The following RABGAP1L variants were observed in gnomAD, a reference collection of about 807,000 sequenced individuals.
The protein encoded by RABGAP1L is rab GTPase-activating protein 1-like.
Under a neutral mutation model 137.7 loss-of-function variants are expected in RABGAP1L, and 63 were observed. The ratio of observed to expected loss-of-function variants is 0.46; its 90% CI spans 0.37 to 0.56. The LOEUF (loss-of-function observed/expected upper bound fraction) is 0.56, where lower values mean the gene tolerates loss of function less well. Among genes scored for constraint, RABGAP1L ranks in the 20% least tolerant of loss-of-function variants. The probability of loss-of-function intolerance (pLI) is 0.00; values close to 1 mark genes in which losing one functional copy is unlikely to be tolerated. For synonymous variants in RABGAP1L, 431 were observed against 433.7 expected, an observed-to-expected ratio of 0.99 and a Z score of 0.08; for missense variants, 1,095 against 1,244.0, an observed-to-expected ratio of 0.88 and a Z score of 1.80.
intron 13 of RABGAP1L, among the ~76,000 whole-genome samples, chr1:174,519,426 C>A (rs1663168777): frequency 6.6e-6 from 1 of 151,980 alleles, no homozygotes. Flanking sequence ...AGGCCAGTCT[C>A]ACCGTTTTAT....
intron 1 of RABGAP1L, among the ~76,000 whole-genome samples, chr1:174,185,179 T>A (rs144892744): frequency 2.0e-5 from 3 of 152,350 alleles, no homozygotes; most frequent in African/African-American, 7.2e-5. Flanking sequence ...TGACAGTATC[T>A]GCAAAATATG....
At chr1:174,568,371 C>A (rs550433653) in intron 13 of RABGAP1L, among the ~76,000 whole-genome samples, 2 of 151,986 alleles carry the variant, frequency 1.3e-5, no homozygotes, top group African/African-American at 4.8e-5. Context: ...ACATATAAAC[C>A]GTATCAGGAT....
chr1:174,711,984 A>G (rs1383092946), intron 17 of RABGAP1L, among the ~76,000 whole-genome samples: 1 of 152,162 alleles, frequency 6.6e-6, no homozygotes, highest in African/African-American at 2.4e-5. Flanking sequence ...CTGTGTCTAG[A>G]TAATCTAGTG....
chr1:174,610,418 G>C (rs1309288789), intron 13 of RABGAP1L, among the ~76,000 whole-genome samples: 6 of 151,680 alleles, frequency 4.0e-5, no homozygotes, highest in Non-Finnish European at 7.4e-5. Flanking sequence ...GTATTCCATG[G>C]TGTATATGTG....
At chr1:174,213,387 T>C (rs982910778) in intron 1 of RABGAP1L, among the ~76,000 whole-genome samples, 1 of 152,190 alleles carries the variant, frequency 6.6e-6, no homozygotes. Flanking sequence ...ATTGTGCCAC[T>C]GCACTCCAGC....
intron 19 of RABGAP1L, among the ~76,000 whole-genome samples, chr1:174,918,101 TAA>T (rs1457325794): frequency 4.4e-5 from 6 of 135,122 alleles, no homozygotes; most frequent in Non-Finnish European, 7.6e-5. Flanking sequence ...AATAATAATA[TAA>T]GAGGCCTTTA....
At chr1:174,833,629 C>T (rs1692417383) in intron 19 of RABGAP1L, among the ~76,000 whole-genome samples, 1 of 150,272 alleles carries the variant, frequency 6.7e-6, no homozygotes, top group Non-Finnish European at 1.5e-5. Flanking sequence ...TACATGGCAT[C>T]CACTCATTCT....
chr1:174,189,415 C>T lies in RABGAP1L; in HGVS notation c.-33-29710C>T, dbSNP rs1160408821. On this transcript the variant is annotated intron_variant, in intron 1 of 25. Coordinates refer to ENST00000681986, the MANE Select transcript of RABGAP1L (RefSeq NM_001366446.1). ...AGATCTTCTGGATAACTTACTGCAG[C>T]TTCTGTTACTGTATTAGTACTTACT... Among the ~76,000 whole-genome samples the T allele has an allele frequency of 2.6e-5, 4 of 152,238 alleles. No homozygotes were observed. In the East Asian group the frequency reaches 7.7e-4, roughly 29 times the overall value.
intron 11 of RABGAP1L, among the ~76,000 whole-genome samples, chr1:174,349,768 G>A (rs1682905028): frequency 1.6e-5 from 2 of 127,762 alleles, no homozygotes; most frequent in Non-Finnish European, 1.8e-5. Context: ...CGGGGCGGCT[G>A]GCCGGGCAGA....
chr1:174,935,984 C>CAAAAAAAAA (rs58215269), intron 19 of RABGAP1L, among the ~76,000 whole-genome samples: 3 of 43,180 alleles, frequency 6.9e-5, no homozygotes, highest in African/African-American at 1.1e-4. Flanking sequence ...TCCATCTCAC[C>CAAAAAAAAA]AAAAAAAAAA....
At chr1:174,368,536 A>C (rs1443426715) in intron 11 of RABGAP1L, among the ~76,000 whole-genome samples, 6 of 152,182 alleles carry the variant, frequency 3.9e-5, no homozygotes, top group Admixed American at 3.3e-4. Context: ...TTGCATTTAA[A>C]AGATTCATGA....
intron 12 of RABGAP1L, among the ~76,000 whole-genome samples, chr1:174,379,174 G>A (rs1438469064): frequency 6.7e-6 from 1 of 150,002 alleles, no homozygotes; most frequent in Admixed American, 6.7e-5. Flanking sequence ...GTACCATGCT[G>A]TTTTGGGTAC....
At chr1:174,817,153 C>T (rs1046614757) in intron 19 of RABGAP1L, among the ~76,000 whole-genome samples, 4 of 152,118 alleles carry the variant, frequency 2.6e-5, no homozygotes, top group Admixed American at 6.5e-5. Flanking sequence ...CCAAAATTTT[C>T]TGTTGGTAGA....
At chr1:174,785,734 C>T (rs1052276918) in intron 18 of RABGAP1L, among the ~76,000 whole-genome samples, 2 of 152,190 alleles carry the variant, frequency 1.3e-5, no homozygotes, top group Admixed American at 6.5e-5. Context: ...ATGTCTATAA[C>T]CCACGCTGCT....
chr1:174,954,956 A>G (rs1474869903), intron 19 of RABGAP1L, among the ~76,000 whole-genome samples: 1 of 152,218 alleles, frequency 6.6e-6, no homozygotes, highest in Non-Finnish European at 1.5e-5. Context: ...TAATGTATAT[A>G]GAGAAAATAA....
At chr1:174,753,785 A>C (rs1684519841) in intron 18 of RABGAP1L, among the ~76,000 whole-genome samples, 1 of 152,214 alleles carries the variant, frequency 6.6e-6, no homozygotes, top group Non-Finnish European at 1.5e-5. Context: ...AAATATTAAA[A>C]CATAAAGTAA....
intron 15 of RABGAP1L, among the ~76,000 whole-genome samples, chr1:174,690,621 G>A (rs1372978993): frequency 6.6e-6 from 1 of 151,968 alleles, no homozygotes; most frequent in Non-Finnish European, 1.5e-5. Flanking sequence ...TAATTTGAAT[G>A]GATTACACAT....
At chr1:174,579,621 GGTT>G (rs912828405) in intron 13 of RABGAP1L, among the ~76,000 whole-genome samples, 2 of 152,152 alleles carry the variant, frequency 1.3e-5, no homozygotes, top group Admixed American at 1.3e-4. Context: ...AAGAATTGTT[GGTT>G]GTTTGCTTTT....
chr1:174,460,676 G>A (rs1479929745), intron 13 of RABGAP1L, among the ~76,000 whole-genome samples: 1 of 152,108 alleles, frequency 6.6e-6, no homozygotes, highest in East Asian at 1.9e-4. Context: ...CACTAATAAT[G>A]TATCAAACTA....
Sources: gnomAD v4.1 joint callset for allele counts (sites outside exome capture counted in the v4.1 genomes callset) on GRCh38, gnomAD v4.1.1 for gene constraint, MANE v1.5 for transcripts, NCBI Gene and HGNC (gene_info 2026-07-23, HGNC 2026-07-21) for gene names.